The following TSNARE1 variants were observed in gnomAD, a reference collection of about 807,000 sequenced individuals.
TSNARE1 encodes t-SNARE domain containing 1.
Under a neutral mutation model 62.0 loss-of-function variants are expected in TSNARE1, and 49 were observed. That is an observed-to-expected ratio of 0.79 (90% CI 0.63 to 1.00). TSNARE1 has a LOEUF of 1.00. Ranked by LOEUF, TSNARE1 falls within the 50% of genes least tolerant of loss-of-function variation. The pLI is 0.00. For synonymous variants in TSNARE1, 328 were observed against 294.4 expected (o/e 1.11, Z -1.17); for missense variants, 755 against 700.1 (o/e 1.08, Z -0.88).
chr8:142,400,779 C>A (rs1161061215), intron 1 of TSNARE1, among the ~76,000 whole-genome samples: 1 of 152,226 alleles, frequency 6.6e-6, no homozygotes, highest in Admixed American at 6.5e-5. Context: ...CTGGGCTGAA[C>A]AAATGACGTC....
intron 1 of TSNARE1, among the ~76,000 whole-genome samples, chr8:142,355,750 G>T (rs905148319): frequency 6.6e-6 from 1 of 152,230 alleles, no homozygotes; most frequent in African/African-American, 2.4e-5. Flanking sequence ...ACAAACACCT[G>T]AAGTGCGAAG....
intron 4 of TSNARE1, among the ~76,000 whole-genome samples, chr8:142,339,811 TCGCCAGCGGAGAGCAGCGGCCC>T (rs1411861833): frequency 9.8e-5 from 15 of 152,358 alleles, no homozygotes; most frequent in African/African-American, 3.6e-4. Flanking sequence ...GTCTGGGCCC[TCGCCAGCGGAGAGCAGCGGCCC>T]TGCCGTACAG....
At chr8:142,264,900 A>G (rs1306258314) in intron 12 of TSNARE1, among the ~76,000 whole-genome samples, 1 of 152,020 alleles carries the variant, frequency 6.6e-6, no homozygotes, top group Non-Finnish European at 1.5e-5. Context: ...TGCTCACTGG[A>G]CAGTTCCAAA....
intron 1 of TSNARE1, among the ~76,000 whole-genome samples, chr8:142,400,853 T>C (rs1838238075): frequency 6.6e-6 from 1 of 152,204 alleles, no homozygotes; most frequent in African/African-American, 2.4e-5. Context: ...TCTCTCCATC[T>C]GGGAAATGGG....
intron 10 of TSNARE1, among the ~76,000 whole-genome samples, chr8:142,287,898 T>C (rs930656027): frequency 2.6e-5 from 4 of 152,012 alleles, no homozygotes; most frequent in Non-Finnish European, 5.9e-5. Flanking sequence ...TCAGGGACAG[T>C]GGGCCGCCCT....
At chr8:142,396,988 C>G (rs113484170) in intron 1 of TSNARE1, among the ~76,000 whole-genome samples, 1 of 151,988 alleles carries the variant, frequency 6.6e-6, no homozygotes. Flanking sequence ...AGGAGAGAGG[C>G]AGCTCCACCT....
Position 142,271,665 on chromosome 8 carries a change from A to G in TSNARE1, c.1446+3116T>C, listed in dbSNP as rs770345079. 5.0e-6 allele frequency: 7 copies of G among 1,394,688 alleles called. No homozygotes were observed. The African/African-American group carries it at 1.0e-4, about 21-fold the overall frequency. 86.4% of individuals were successfully genotyped at this position (1,394,688 alleles called of 1,614,324 possible). Reference sequence around the variant, plus strand: ...AGGGACCTCAGGGGCAGCCACAAGCAGCTGGGGGTCTCGTCCTCCTCATCA... The same window carrying G: ...AGGGACCTCAGGGGCAGCCACAAGCGGCTGGGGGTCTCGTCCTCCTCATCA... On this transcript the variant is annotated intron_variant, in intron 12 of 13. Coordinates refer to ENST00000524325, the MANE Select transcript of TSNARE1 (RefSeq NM_145003.5).
At chr8:142,222,682 A>AC (rs1816416715) in intron 13 of TSNARE1, among the ~76,000 whole-genome samples, 1 of 67,322 alleles carries the variant, frequency 1.5e-5, no homozygotes, top group Non-Finnish European at 2.9e-5. Flanking sequence ...TCATCCACTC[A>AC]TCCACTCACT....
At chr8:142,245,805 G>A (rs1218111590) in intron 12 of TSNARE1, among the ~76,000 whole-genome samples, 1 of 152,110 alleles carries the variant, frequency 6.6e-6, no homozygotes, top group Admixed American at 6.5e-5. Context: ...TGGTCCTGTT[G>A]GTTCTGGGTT....
intron 4 of TSNARE1, among the ~76,000 whole-genome samples, chr8:142,332,330 C>T (rs964504986): frequency 6.6e-5 from 10 of 152,176 alleles, no homozygotes; most frequent in East Asian, 5.8e-4. Flanking sequence ...AAAGGCCACA[C>T]GCCGCACGGT....
chr8:142,282,106 G>A (rs1821586827), intron 11 of TSNARE1, among the ~76,000 whole-genome samples: 1 of 152,232 alleles, frequency 6.6e-6, no homozygotes, highest in African/African-American at 2.4e-5. Context: ...CCACGGTGCT[G>A]GCTGGGAGGT....
intron 1 of TSNARE1, among the ~76,000 whole-genome samples, chr8:142,392,223 T>C (rs1273005538): frequency 6.6e-6 from 1 of 152,100 alleles, no homozygotes; most frequent in East Asian, 1.9e-4. Context: ...GGTTTCACCA[T>C]GTCGGCCAGA....
chr8:142,379,208 T>G (rs955870888), intron 1 of TSNARE1, among the ~76,000 whole-genome samples: 7 of 152,228 alleles, frequency 4.6e-5, no homozygotes, highest in Non-Finnish European at 8.8e-5. Flanking sequence ...ATAGTGGGCA[T>G]GCCTCAGCGG....
chr8:142,263,361 A>T (rs1345163618), intron 12 of TSNARE1, among the ~76,000 whole-genome samples: 3 of 152,248 alleles, frequency 2.0e-5, no homozygotes, highest in African/African-American at 7.2e-5. Flanking sequence ...AAGCAGTGTT[A>T]AATCCACTTC....
intron 12 of TSNARE1, among the ~76,000 whole-genome samples, chr8:142,237,223 A>G (rs1267470925): frequency 2.0e-5 from 3 of 151,980 alleles, no homozygotes; most frequent in Admixed American, 2.0e-4. Context: ...CCCTGCGTGG[A>G]CCACTCTCTC....
Position 142,344,608 on chromosome 8 carries a change from C to T in TSNARE1, c.239-136G>A, listed in dbSNP as rs553192650. ...CTGCCTGGTCCTGGCCACCACCCCT[C>T]CCTGCTGGGTGTCCAGAGACCTGGG... is the stretch of plus-strand genomic sequence containing the variant. On this transcript the variant is annotated intron_variant, in intron 3 of 13. Coordinates refer to ENST00000524325, the MANE Select transcript of TSNARE1 (RefSeq NM_145003.5). The T allele has an allele frequency of 4.3e-6, 4 of 939,502 alleles. No homozygotes were observed. In the South Asian group the frequency reaches 7.6e-5, roughly 18 times the overall value. 58.2% of individuals were successfully genotyped at this position (939,502 alleles called of 1,614,324 possible). A position where few individuals can be genotyped will look rare whatever the true frequency, so the allele number is the denominator to read the frequency against.
chr8:142,395,918 C>T (rs898118698), intron 1 of TSNARE1, among the ~76,000 whole-genome samples: 2 of 152,192 alleles, frequency 1.3e-5, no homozygotes, highest in Admixed American at 6.5e-5. Context: ...TGTCCCCTTC[C>T]AAATACTTCG....
At chr8:142,309,239 A>T (rs1827194240) in intron 9 of TSNARE1, among the ~76,000 whole-genome samples, 1 of 152,080 alleles carries the variant, frequency 6.6e-6, no homozygotes, top group African/African-American at 2.4e-5. Flanking sequence ...GTTTCTTCTC[A>T]ATCCTACTCT....
intron 11 of TSNARE1, among the ~76,000 whole-genome samples, chr8:142,281,868 A>C (rs34819186): frequency 0.54 from 82,147 of 151,866 alleles, 23,272 homozygotes; most frequent in African/African-American, 0.72. Context: ...CCTGGCTCCA[A>C]GCTCAGCCCC....
Sources: allele counts gnomAD v4.1 joint callset (sites outside exome capture counted in the v4.1 genomes callset), GRCh38; gene constraint gnomAD v4.1.1; transcripts MANE v1.5; gene names NCBI Gene and HGNC (gene_info 2026-07-23, HGNC 2026-07-21).